TFAP2B: variants seen among roughly 807,000 people sequenced by gnomAD.
TFAP2B encodes the protein transcription factor AP-2 beta, also known as transcription factor AP-2-beta.
In TFAP2B, 9 loss-of-function variants were observed where a neutral mutation model predicts 44.3. That is an observed-to-expected ratio of 0.20 (90% CI 0.12 to 0.35). The LOEUF is 0.35. TFAP2B is among the 10% of genes least tolerant of loss of function. The pLI is 1.00. For missense variants in TFAP2B, 509 were observed against 600.0 expected (o/e 0.85, Z 1.59); for synonymous variants, 270 against 263.8 (o/e 1.02, Z -0.23).
At chr6:50,835,436 G>A (rs1762600633) in intron 3 of TFAP2B, among the ~76,000 whole-genome samples, 1 of 152,176 alleles carries the variant, frequency 6.6e-6, no homozygotes, top group Admixed American at 6.5e-5. Flanking sequence ...CCACTTTAAA[G>A]AGATGAGCAG....
rs1032805502 is a variant in TFAP2B, at chr6:50,843,477, A to C, written c.*85A>C. The C allele has an allele frequency of 1.4e-6, 2 of 1,389,510 alleles. No individual in the cohort carries two copies. The highest frequency in any genetic ancestry group is 2.0e-6 in the Non-Finnish European group (2 of 1,011,638). 86.1% of individuals were successfully genotyped at this position (1,389,510 alleles called of 1,614,324 possible). A position where few individuals can be genotyped will look rare whatever the true frequency, so the allele number is the denominator to read the frequency against. On this transcript the variant is annotated 3_prime_UTR_variant, in exon 7 of 7. Transcript: ENST00000393655. Reference sequence around the variant, plus strand: ...TTTAATTTTAGCTTTAAAATATTGGATTGGCTTTGGAAGAATTATATTAGG... The same window carrying C: ...TTTAATTTTAGCTTTAAAATATTGGCTTGGCTTTGGAAGAATTATATTAGG...
chr6:50,825,432 C>T (rs1050656369), intron 2 of TFAP2B, among the ~76,000 whole-genome samples: 4 of 151,986 alleles, frequency 2.6e-5, no homozygotes, highest in African/African-American at 4.8e-5. Context: ...ATGCTAATGC[C>T]GGCCCTGTTA....
chr6:50,821,467 T>G (rs955557861), intron 1 of TFAP2B, among the ~76,000 whole-genome samples: 1 of 151,560 alleles, frequency 6.6e-6, no homozygotes, highest in Non-Finnish European at 1.5e-5. Context: ...ATTAGGGAAG[T>G]CTCTCTCCAG....
rs1211701738 is a variant in TFAP2B, at chr6:50,843,298, A to G, written c.1289A>G (p.Lys430Arg). 2 of 1,614,228 alleles carry G rather than the reference A, an allele frequency of 1.2e-6. No individual in the cohort carries two copies. The highest frequency in any genetic ancestry group is 2.2e-5 in the South Asian group (2 of 91,088). ...YLTEALKGMD[K>R]MFLNNTTTNR... ...ACCGAGGCGCTCAAAGGCATGGACAAGATGTTCTTGAACAACACCACCACT... is the reference window on the plus strand; with the variant it reads ...ACCGAGGCGCTCAAAGGCATGGACAGGATGTTCTTGAACAACACCACCACT... Residue 430 changes from lysine (K) to arginine (R), a missense_variant, in exon 7 of 7, where the codon AAG (lysine) becomes AGG (arginine). Lys to Arg is a conservative substitution (Grantham distance 26). Coordinates refer to ENST00000393655, the MANE Select transcript of TFAP2B (RefSeq NM_003221.4).
chr6:50,831,937 A>G (rs970007059), intron 3 of TFAP2B, among the ~76,000 whole-genome samples: 1 of 152,098 alleles, frequency 6.6e-6, no homozygotes, highest in Admixed American at 6.5e-5. Flanking sequence ...TTCATCCTCC[A>G]TTCTCTCCCA....
chr6:50,843,074 T>A lies in TFAP2B; in HGVS notation c.1083-18T>A. 4 of 1,614,136 alleles carry A rather than the reference T, an allele frequency of 2.5e-6. No individual in the cohort carries two copies. Among genetic ancestry groups the A allele is most frequent in the Non-Finnish European group, 3.4e-6 (4 of 1,179,986 alleles). ...GACACTGAGGGTGATTTTCTGTGCC[T>A]CGCCCACCCCTTTGCAGGCAACTTT... On this transcript the variant is annotated intron_variant, in intron 6 of 6. Coordinates refer to ENST00000393655, the MANE Select transcript of TFAP2B (RefSeq NM_003221.4).
At chr6:50,818,854 C>T, upstream of TFAP2B, 3 of 1,589,008 alleles carry the variant, frequency 1.9e-6, no homozygotes, top group Non-Finnish European at 2.6e-6. Flanking sequence ...TTACAGACAG[C>T]GGAGTCCTGA....
chr6:50,834,668 A>C (rs75977684), intron 3 of TFAP2B, among the ~76,000 whole-genome samples: 1 of 152,220 alleles, frequency 6.6e-6, no homozygotes, highest in African/African-American at 2.4e-5. Context: ...GATGTTATGC[A>C]TCTTGTTTGA....
In TFAP2B at chr6:50,842,959, A is replaced by T. The variant is rs180807882; in HGVS notation, c.1083-133A>T. ...AAGGGAGGGCGCTGGGAAAGGAAAC[A>T]GAGCGGAATCGCCCACATTAGCCTC... On this transcript the variant is annotated intron_variant, in intron 6 of 6. Coordinates refer to ENST00000393655, the MANE Select transcript of TFAP2B (RefSeq NM_003221.4). 4.0e-6 allele frequency: 5 copies of T among 1,247,252 alleles called. No individual in the cohort carries two copies. The African/African-American group carries it at 5.9e-5, about 15-fold the overall frequency. 77.3% of individuals were successfully genotyped at this position (1,247,252 alleles called of 1,614,324 possible).
intron 3 of TFAP2B, among the ~76,000 whole-genome samples, chr6:50,835,822 C>T (rs1762608058): frequency 1.3e-5 from 2 of 152,188 alleles, no homozygotes; most frequent in African/African-American, 2.4e-5. Context: ...GTGAGCAGGA[C>T]TGTAGCAAAT....
chr6:50,837,965 G>C lies in TFAP2B; in HGVS notation c.822-10G>C, dbSNP rs774221905. The C allele has an allele frequency of 2.3e-5, 37 of 1,605,030 alleles. No individual in the cohort carries two copies. The highest frequency in any genetic ancestry group is 3.1e-5 in the Non-Finnish European group (36 of 1,171,864). ...AAGGTTAATCAGAATGTTAATTCTT[G>C]CAATTTCAGAGCCAAATCGAAAAAT... On this transcript the variant is annotated splice_polypyrimidine_tract_variant and intron_variant, in intron 4 of 6. Coordinates refer to ENST00000393655, the MANE Select transcript of TFAP2B (RefSeq NM_003221.4).
chr6:50,819,727 C>T (rs1170786083), intron 1 of TFAP2B, among the ~76,000 whole-genome samples: 1 of 152,230 alleles, frequency 6.6e-6, no homozygotes, highest in Non-Finnish European at 1.5e-5. Flanking sequence ...CAGCCGCCTC[C>T]GGGGCCCGGA....
At chr6:50,827,624 C>T (rs1770564591) in intron 2 of TFAP2B, among the ~76,000 whole-genome samples, 2 of 152,172 alleles carry the variant, frequency 1.3e-5, no homozygotes, top group African/African-American at 4.8e-5. Context: ...AAGTGGGTAA[C>T]AATTTGGTCC....
At position 50,843,507 on chromosome 6, in the gene TFAP2B, A is replaced by C; in HGVS notation, c.*115A>C. The stretch of plus-strand genomic sequence containing the variant: ...CTTTGGAAGAATTATATTAGGTAGA[A>C]TACACATACAATCAAAATTTTAAAA... On this transcript the variant is annotated 3_prime_UTR_variant, in exon 7 of 7. Coordinates refer to ENST00000393655, the MANE Select transcript of TFAP2B (RefSeq NM_003221.4). 6.5e-6 allele frequency: 7 copies of C among 1,085,128 alleles called. No homozygotes were observed. In the South Asian group the frequency reaches 8.2e-5, roughly 13 times the overall value. 67.2% of individuals were successfully genotyped at this position (1,085,128 alleles called of 1,614,324 possible).
At chr6:50,820,383 C>T (rs1279729497) in intron 1 of TFAP2B, among the ~76,000 whole-genome samples, 2 of 138,728 alleles carry the variant, frequency 1.4e-5, no homozygotes, top group Non-Finnish European at 3.1e-5. Context: ...CTGGCGCCCA[C>T]ACCTCCTGCC....
Position 50,823,628 on chromosome 6 carries a change from C to G in TFAP2B, c.303C>G (p.Pro101=). Residue 101 remains proline (P), a synonymous_variant, in exon 2 of 7, where the codon CCC becomes CCG. Transcript: ENST00000393655. ...DPYSLNPLHQ[P]QQHPWGQRQR... Reference sequence around the variant, plus strand: ...ACTCCCTGAACCCACTGCACCAGCCCCAGCAACATCCCTGGGGGCAACGGC... The same window carrying G: ...ACTCCCTGAACCCACTGCACCAGCCGCAGCAACATCCCTGGGGGCAACGGC... The G allele has an allele frequency of 6.2e-7, 1 of 1,614,142 alleles. No homozygotes were observed. Among genetic ancestry groups the G allele is most frequent in the Non-Finnish European group, 8.5e-7 (1 of 1,180,002 alleles).
intron 4 of TFAP2B, among the ~76,000 whole-genome samples, chr6:50,837,428 A>T (rs1339935508): frequency 1.3e-5 from 2 of 152,166 alleles, no homozygotes; most frequent in Non-Finnish European, 2.9e-5. Context: ...ACATAACTAC[A>T]CTTCCAAAAG....
rs9473918 is a variant in TFAP2B, at chr6:50,844,302, A to C, written c.*910A>C. 0.019 allele frequency: 2,811 copies of C among 147,718 alleles called. 68 individuals are homozygous for C. Among genetic ancestry groups the C allele is most frequent in the African/African-American group, 0.061 (2,428 of 40,080 alleles). The allele number at this position is 147,718 out of a possible 1,614,324, so 9.2% of individuals were successfully genotyped here. ...TTATGAACTATAGTAAAAAAAAAAA[A>C]ACACACACACACACAATATGAATAC... On this transcript the variant is annotated 3_prime_UTR_variant, in exon 7 of 7. Transcript: ENST00000393655.
chr6:50,841,408 G>A (rs1293633948), intron 6 of TFAP2B, among the ~76,000 whole-genome samples: 4 of 152,006 alleles, frequency 2.6e-5, no homozygotes, highest in Non-Finnish European at 5.9e-5. Context: ...TGCCCCTTGC[G>A]CTGGTGTCTG....
Sources: allele counts gnomAD v4.1 joint callset (sites outside exome capture counted in the v4.1 genomes callset), GRCh38; gene constraint gnomAD v4.1.1; transcripts MANE v1.5; gene names NCBI Gene and HGNC (gene_info 2026-07-23, HGNC 2026-07-21).